Variants in LRBA observed in about 807,000 individuals in gnomAD.
LRBA encodes the protein LPS responsive beige-like anchor protein.
Under a neutral mutation model 330.0 loss-of-function variants are expected in LRBA, and 176 were observed. That is an observed-to-expected ratio of 0.53 (90% CI 0.47 to 0.60). The LOEUF is 0.60. LRBA is among the 20% of genes least tolerant of loss of function. The pLI is 0.00. For missense variants in LRBA, 3,259 were observed against 3,444.8 expected (o/e 0.95, Z 1.35); for synonymous variants, 1,230 against 1,193.0 (o/e 1.03, Z -0.64).
intron 53 of LRBA, among the ~76,000 whole-genome samples, chr4:150,300,746 T>C (rs1468785167): frequency 6.6e-6 from 1 of 152,136 alleles, no homozygotes; most frequent in Non-Finnish European, 1.5e-5. Flanking sequence ...TGTATACATA[T>C]ATCATGATAT....
chr4:150,671,025 TGTGTGTGTGTGTGTGTGA>T lies in LRBA; in HGVS notation c.5921+12508_5921+12525del, dbSNP rs1446092096. ...ATGTGTGTGTGTGTGTGTGTGTGTG[TGTGTGTGTGTGTGTGTGA>T]GAGAGAGAGAGAGAGAGAGACAGAG... On this transcript the variant is annotated intron_variant, in intron 37 of 56. Coordinates refer to ENST00000651943, the MANE Select transcript of LRBA (RefSeq NM_001364905.1). Among the ~76,000 whole-genome samples the T allele has an allele frequency of 4.0e-3, 599 of 148,762 alleles. 4 individuals are homozygous for T. Among genetic ancestry groups the T allele is most frequent in the African/African-American group, 0.014 (577 of 40,384 alleles).
At chr4:150,984,663 T>C (rs1222968314) in intron 2 of LRBA, among the ~76,000 whole-genome samples, 11 of 152,256 alleles carry the variant, frequency 7.2e-5, no homozygotes. Context: ...CTTCATGTGC[T>C]AACATGTACA....
At chr4:150,726,979 C>CA (rs35524884) in intron 36 of LRBA, among the ~76,000 whole-genome samples, 49,259 of 106,992 alleles carry the variant, frequency 0.46, 9,964 homozygotes, top group Middle Eastern at 0.59. Context: ...ATCTCACGGA[C>CA]AAAAAAAAAA....
intron 9 of LRBA, among the ~76,000 whole-genome samples, chr4:150,909,926 T>G (rs1201433633): frequency 6.6e-6 from 1 of 152,198 alleles, no homozygotes; most frequent in African/African-American, 2.4e-5. Context: ...TTGAGCATCT[T>G]TTCATATGTT....
At chr4:150,949,181 G>A (rs1256247928) in intron 2 of LRBA, among the ~76,000 whole-genome samples, 1 of 151,984 alleles carries the variant, frequency 6.6e-6, no homozygotes, top group African/African-American at 2.4e-5. Flanking sequence ...GCCAAAAAGT[G>A]GAAATCACTC....
At chr4:150,427,724 G>A (rs936659711) in intron 46 of LRBA, among the ~76,000 whole-genome samples, 17 of 151,964 alleles carry the variant, frequency 1.1e-4, no homozygotes, top group Middle Eastern at 6.8e-3. Flanking sequence ...TCTGAGAACC[G>A]GATGCAGATT....
At chr4:150,323,583 G>A (rs1324681513) in intron 49 of LRBA, among the ~76,000 whole-genome samples, 1 of 152,214 alleles carries the variant, frequency 6.6e-6, no homozygotes, top group Non-Finnish European at 1.5e-5. Context: ...GCAAGCTGCA[G>A]ACACCATGTC....
chr4:150,583,350 G>A lies in LRBA; in HGVS notation c.6330+4698C>T. 1.2e-6 allele frequency: 2 copies of A among 1,614,222 alleles called. No homozygotes were observed. Among genetic ancestry groups the A allele is most frequent in the Non-Finnish European group, 1.7e-6 (2 of 1,180,038 alleles). On this transcript the variant is annotated intron_variant, in intron 40 of 56. Coordinates refer to ENST00000651943, the MANE Select transcript of LRBA (RefSeq NM_001364905.1). This position sits in a 1 kb window ranked among gnomAD's most constrained non-coding sequence, Gnocchi z 9.8. The stretch of plus-strand genomic sequence containing the variant: ...TGCTCAAACTGAGCGATGGGCGGAA[G>A]CGGAGCATGTCTCTCTGGGTCGAGT...
At chr4:150,988,873 A>G (rs1005496795) in intron 2 of LRBA, among the ~76,000 whole-genome samples, 6 of 151,954 alleles carry the variant, frequency 3.9e-5, no homozygotes, top group African/African-American at 1.2e-4. Flanking sequence ...CACCGTGCCC[A>G]GCCATCAGAT....
At chr4:150,915,822 T>C in intron 7 of LRBA, 95 bp from the exon 8 acceptor site, 2 of 911,742 alleles carry the variant, frequency 2.2e-6, no homozygotes, top group South Asian at 3.0e-5. Context: ...TAAGTTGTAA[T>C]TCAACCTAAA....
chr4:151,004,879 C>A (rs777043615), intron 2 of LRBA, among the ~76,000 whole-genome samples: 1 of 151,868 alleles, frequency 6.6e-6, no homozygotes, highest in African/African-American at 2.4e-5. Flanking sequence ...CCCAGCTACT[C>A]GGGAGGCTGA....
chr4:150,959,222 G>A (rs1185229907), intron 2 of LRBA, among the ~76,000 whole-genome samples: 1 of 149,272 alleles, frequency 6.7e-6, no homozygotes, highest in African/African-American at 2.6e-5. Context: ...CCAAGAGTGT[G>A]TGCAGGGGAA....
Position 150,867,710 on chromosome 4 carries a change from C to T in LRBA, c.2727G>A (p.Trp909Ter), listed in dbSNP as rs1444571078. The T allele has an allele frequency of 6.2e-7, 1 of 1,613,564 alleles. No individual in the cohort carries two copies. The highest frequency in any genetic ancestry group is 8.5e-7 in the Non-Finnish European group (1 of 1,179,792). The change falls in exon 22 of 57, where the codon TGG becomes TGA. Residue 909 changes from tryptophan (W) to a stop codon, truncating the protein, a stop_gained. Transcript: ENST00000651943. LOFTEE classifies it high-confidence loss of function. ...YHAVKYEWGG[W>*]RVWVDTLSIT... ...TTGATAAAGTGTCTACCCATACACG[C>T]CAGCCACCCCACTCATATTTGACTG...
intron 40 of LRBA, among the ~76,000 whole-genome samples, chr4:150,498,654 A>T (rs1759873568): frequency 6.6e-6 from 1 of 152,182 alleles, no homozygotes; most frequent in South Asian, 2.1e-4. Flanking sequence ...ATGAACTTAG[A>T]TATTTATCTA....
chr4:150,884,322 A>AG (rs1278385169), intron 17 of LRBA, among the ~76,000 whole-genome samples: 11 of 4,084 alleles, frequency 2.7e-3, no homozygotes, highest in African/African-American at 5.0e-3. Flanking sequence ...GGAGATATTA[A>AG]AAGAGAACCA....
chr4:150,757,290 T>C (rs1169169410), intron 35 of LRBA, among the ~76,000 whole-genome samples: 1 of 152,180 alleles, frequency 6.6e-6, no homozygotes, highest in African/African-American at 2.4e-5. Context: ...CAGAGTAACA[T>C]CTCATCGAGC....
intron 35 of LRBA, among the ~76,000 whole-genome samples, chr4:150,739,820 A>C (rs1428090086): frequency 6.6e-6 from 1 of 152,188 alleles, no homozygotes; most frequent in Admixed American, 6.5e-5. Context: ...ACTCAAAAGG[A>C]AGTGAATCCT....
At chr4:150,749,219 C>T (rs181150225) in intron 35 of LRBA, among the ~76,000 whole-genome samples, 6 of 151,750 alleles carry the variant, frequency 4.0e-5, no homozygotes, top group East Asian at 1.9e-4. Flanking sequence ...ATTTCTAGGA[C>T]GTAATACCAA....
In LRBA at chr4:150,761,861, A is replaced by G. The variant is rs1032784829; in HGVS notation, c.5581-14T>C. ...ATTTTGCCACTCCTATAAAAAAAAA[A>G]GCAAAAATAGCTGAAGAAATGTCAC... On this transcript the variant is annotated splice_polypyrimidine_tract_variant and intron_variant, in intron 34 of 56. Coordinates refer to ENST00000651943, the MANE Select transcript of LRBA (RefSeq NM_001364905.1). The G allele has an allele frequency of 7.3e-7, 1 of 1,375,622 alleles. No homozygotes were observed. Among genetic ancestry groups the G allele is most frequent in the African/African-American group, 1.5e-5 (1 of 67,176 alleles). 85.2% of individuals were successfully genotyped at this position (1,375,622 alleles called of 1,614,324 possible).
Sources: allele counts gnomAD v4.1 joint callset (sites outside exome capture counted in the v4.1 genomes callset), GRCh38; gene constraint gnomAD v4.1.1; non-coding constraint Gnocchi (gnomAD v3.1); transcripts MANE v1.5; gene names NCBI Gene and HGNC (gene_info 2026-07-23, HGNC 2026-07-21).